Variants in ESPN observed in about 807,000 individuals in gnomAD.
The protein encoded by ESPN is espin, also known as autosomal recessive deafness type 36 protein.
ESPN carries 68 observed loss-of-function variants against 77.7 expected under a neutral mutation model. The observed-to-expected ratio is 0.87, with a 90% CI of 0.72 to 1.07. The LOEUF is 1.07. Among genes scored for constraint, ESPN ranks in the 50% least tolerant of loss-of-function variants. The pLI, the probability that ESPN is intolerant of heterozygous loss-of-function variation, is 0.00. For missense variants in ESPN, 1,060 were observed against 1,239.0 expected, an observed-to-expected ratio of 0.86 and a Z score of 2.17; for synonymous variants, 449 against 567.1, an observed-to-expected ratio of 0.79 and a Z score of 2.96.
intron 1 of ESPN, among the ~76,000 whole-genome samples, chr1:6,426,081 G>A (rs917544196): frequency 6.6e-6 from 1 of 152,232 alleles, no homozygotes; most frequent in Non-Finnish European, 1.5e-5. Flanking sequence ...GGGTGTGGGG[G>A]CAGCCATGGG....
Position 6,440,393 on chromosome 1 carries a change from C to T in ESPN, c.628C>T (p.Leu210=), listed in dbSNP as rs770396660. The T allele has an allele frequency of 2.5e-6, 4 of 1,585,568 alleles. No individual in the cohort carries two copies. The African/African-American group carries it at 5.4e-5, about 21-fold the overall frequency. The change falls in exon 3 of 13, where the codon CTG becomes TTG. Residue 210 remains leucine (L), a synonymous_variant. Coordinates refer to ENST00000645284, the MANE Select transcript of ESPN (RefSeq NM_031475.3). ...HARAHDGMTP[L]HAAAQMGHSP... ...GCGCGCCCACGACGGCATGACCCCG[C>T]TGCACGCCGCGGCGCAGATGGGCCA...
In ESPN at chr1:6,457,114, G is replaced by A. The variant is rs535284437; in HGVS notation, c.2326-70G>A. 3,703 of 1,451,610 alleles carry A rather than the reference G, an allele frequency of 2.6e-3. 4 individuals are homozygous for A. Among genetic ancestry groups the A allele is most frequent in the Non-Finnish European group, 2.8e-3 (2,925 of 1,056,862 alleles). 89.9% of individuals were successfully genotyped at this position (1,451,610 alleles called of 1,614,324 possible). On this transcript the variant is annotated intron_variant, in intron 10 of 12. Transcript: ENST00000645284. ...CTTCCTGTGACCCTGACTCCTTCAG[G>A]TCCCGAGGTTGAGGGTGCCCCCTAT...
At chr1:6,439,163 C>G (rs1643534644) in intron 2 of ESPN, among the ~76,000 whole-genome samples, 1 of 152,140 alleles carries the variant, frequency 6.6e-6, no homozygotes, top group African/African-American at 2.4e-5. Flanking sequence ...TAGCCCAGAG[C>G]TAGCACAGCA....
rs1001137712 is a variant in ESPN, at chr1:6,442,530, C to T, written c.990+1465C>T. On this transcript the variant is annotated intron_variant, in intron 5 of 12. Transcript: ENST00000645284. The stretch of plus-strand genomic sequence containing the variant: ...CGGAGGTTGCAGTAAGCCAAGATCG[C>T]GCCACTGCACTCCAGCCTGGTGACA... 3.4e-5 allele frequency among the ~76,000 whole-genome samples: 5 copies of T among 148,946 alleles called. No homozygotes were observed. In the South Asian group the frequency reaches 6.3e-4, roughly 19 times the overall value.
chr1:6,456,182 G>T (rs547993722), intron 10 of ESPN: 113 of 398,470 alleles, frequency 2.8e-4, no homozygotes, highest in Middle Eastern at 1.9e-3. Flanking sequence ...AGGAGGCAGA[G>T]CTGTTTGACA....
At position 6,448,970 on chromosome 1, in the gene ESPN, GC is replaced by G; in HGVS notation, c.1799del (p.Pro600HisfsTer46). ...PKASRELPPPPPPPPPPLPEA... is the reference protein window; with the variant it reads ...PKASRELPPPXPPPPPPLPEA... ...AGGCGTCCAGGGAGCTGCCACCGCC[GC>G]CCCCACCGCCGCCGCCGCCCCTGCC... On this transcript the variant is annotated frameshift_variant, in exon 8 of 13. Coordinates refer to ENST00000645284, the MANE Select transcript of ESPN (RefSeq NM_031475.3). LOFTEE classifies it high-confidence loss of function. The G allele has an allele frequency of 7.1e-7, 1 of 1,406,490 alleles. No individual in the cohort carries two copies. 87.1% of individuals were successfully genotyped at this position (1,406,490 alleles called of 1,614,324 possible).
At chr1:6,452,721 G>C (rs924615148) in intron 10 of ESPN, among the ~76,000 whole-genome samples, 1 of 152,178 alleles carries the variant, frequency 6.6e-6, no homozygotes, top group Admixed American at 6.5e-5. Flanking sequence ...AGAGGGCTTT[G>C]GTCTCAGTCT....
chr1:6,452,897 A>ATTTTTTTTTT (rs1350694225), intron 10 of ESPN, among the ~76,000 whole-genome samples: 2 of 138,808 alleles, frequency 1.4e-5, no homozygotes, highest in South Asian at 4.2e-4. Flanking sequence ...ATTTATTTTT[A>ATTTTTTTTTT]TTTTTTATTT....
intron 7 of ESPN, 69 bp downstream of exon 7, chr1:6,446,004 A>C: frequency 6.7e-7 from 1 of 1,494,114 alleles, no homozygotes; most frequent in Non-Finnish European, 9.3e-7. Context: ...AGTGAGGCCA[A>C]AGGCCTGGCC....
rs1053467713 is a variant in ESPN, at chr1:6,427,140, C to T, written c.295-1086C>T. ...TCCTGCCGCCTCTGCCAGTCTGTAA[C>T]CACAGTGCCCTCTCTCTGGGCAAGG... is the stretch of plus-strand genomic sequence containing the variant. On this transcript the variant is annotated intron_variant, in intron 1 of 12. Transcript: ENST00000645284. This position sits in a 1 kb window ranked among gnomAD's most constrained non-coding sequence, Gnocchi z 4.6. Among the ~76,000 whole-genome samples the T allele has an allele frequency of 2.6e-5, 4 of 152,084 alleles. No individual in the cohort carries two copies. The highest frequency in any genetic ancestry group is 5.9e-5 in the Non-Finnish European group (4 of 68,020).
chr1:6,431,438 G>A (rs190500506), intron 2 of ESPN, among the ~76,000 whole-genome samples: 3 of 151,908 alleles, frequency 2.0e-5, no homozygotes, highest in South Asian at 2.1e-4. Flanking sequence ...GTGAAACCCC[G>A]TCTCTACCAA....
chr1:6,439,937 A>T (rs953753636), intron 2 of ESPN, among the ~76,000 whole-genome samples: 4 of 152,024 alleles, frequency 2.6e-5, no homozygotes, highest in African/African-American at 9.7e-5. Flanking sequence ...TGAACCCGGG[A>T]GGCAGAGGTT....
intron 10 of ESPN, among the ~76,000 whole-genome samples, chr1:6,453,568 G>C (rs1439036855): frequency 6.6e-6 from 1 of 152,198 alleles, no homozygotes; most frequent in African/African-American, 2.4e-5. Context: ...AGTGGATGTG[G>C]CCCTGACTGT....
intron 6 of ESPN, 62 bp from the exon 7 acceptor site, chr1:6,445,602 C>T: frequency 6.4e-7 from 1 of 1,570,140 alleles, no homozygotes; most frequent in South Asian, 1.1e-5. Context: ...TGGAGAGTCT[C>T]AGTCTTGGGG....
In ESPN at chr1:6,447,528, C is replaced by T; in HGVS notation, c.1465-1113C>T. The stretch of plus-strand genomic sequence containing the variant: ...GGCTGGAGAGTGGGGCAGAGGACAG[C>T]CCCCACCCGGTCACTCAGTCTTTGG... On this transcript the variant is annotated intron_variant, in intron 7 of 12. Coordinates refer to ENST00000645284, the MANE Select transcript of ESPN (RefSeq NM_031475.3). The surrounding 1 kb of genome is among the most constrained non-coding windows in gnomAD (Gnocchi z 5.2). 1 of 152,468 alleles carries T rather than the reference C, an allele frequency of 6.6e-6. No individual in the cohort carries two copies. The highest frequency in any genetic ancestry group is 1.5e-5 in the Non-Finnish European group (1 of 68,144). 9.4% of individuals were successfully genotyped at this position (152,468 alleles called of 1,614,324 possible).
In ESPN at chr1:6,440,268, A is replaced by C. The variant is rs1643572024; in HGVS notation, c.503A>C (p.Gln168Pro). 6.5e-7 allele frequency: 1 copy of C among 1,549,738 alleles called. No individual in the cohort carries two copies. Among genetic ancestry groups the C allele is most frequent in the East Asian group, 2.4e-5 (1 of 40,952 alleles). ...TGTCTCCGCAGGGGAGTGAATGCCC[A>C]AACCAAGAACGGTGCCACGCCCCTG... ...VEHYPEGVNA[Q>P]TKNGATPLYL... is the part of the protein sequence containing the mutation. Residue 168 changes from glutamine (Q) to proline (P), a missense_variant, in exon 3 of 13, where the codon CAA (glutamine) becomes CCA (proline). Gln to Pro is a moderately conservative substitution (Grantham distance 76). Coordinates refer to ENST00000645284, the MANE Select transcript of ESPN (RefSeq NM_031475.3).
chr1:6,425,091 G>A lies in ESPN; in HGVS notation c.136G>A (p.Ala46Thr), dbSNP rs1013365948. 4 of 1,491,196 alleles carry A rather than the reference G, an allele frequency of 2.7e-6. No homozygotes were observed. The African/African-American group carries it at 4.4e-5, about 16-fold the overall frequency. 92.4% of individuals were successfully genotyped at this position (1,491,196 alleles called of 1,614,324 possible). Residue 46 changes from alanine to threonine, a missense_variant, in exon 1 of 13, where the codon GCT becomes ACT. By Grantham distance (58) the Ala-to-Thr change is moderately conservative (BLOSUM62 0). Transcript: ENST00000645284. ...DALPVHHAAR[A>T]GKLHCLRFLV... ...GCTGCCCGTGCACCACGCGGCCCGC[G>A]CTGGGAAGCTGCACTGTCTGCGCTT... is the stretch of plus-strand genomic sequence containing the variant.
Position 6,428,592 on chromosome 1 carries a change from C to G in ESPN, c.488+173C>G, listed in dbSNP as rs1264506882. On this transcript the variant is annotated intron_variant, in intron 2 of 12. Transcript: ENST00000645284. This position sits in a 1 kb window ranked among gnomAD's most constrained non-coding sequence, Gnocchi z 5.4. ...GCTCCCACTCAACATGAAATTTTCC[C>G]CTCCTGGAAAACCCCTTCTGGGGCT... 6.6e-6 allele frequency among the ~76,000 whole-genome samples: 1 copy of G among 152,152 alleles called. No individual in the cohort carries two copies. Among genetic ancestry groups the G allele is most frequent in the East Asian group, 1.9e-4 (1 of 5,178 alleles).
chr1:6,444,478 C>T lies in ESPN; in HGVS notation c.991-3C>T. ...CTTCATGGCCTCCCTGCCTCCCCTT[C>T]AGAGCGTGGAGCACCGCGTGCTTTC... On this transcript the variant is annotated splice_region_variant and splice_polypyrimidine_tract_variant and intron_variant, in intron 5 of 12. Coordinates refer to ENST00000645284, the MANE Select transcript of ESPN (RefSeq NM_031475.3). The T allele has an allele frequency of 1.9e-6, 3 of 1,614,168 alleles. No homozygotes were observed. The highest frequency in any genetic ancestry group is 1.1e-5 in the South Asian group (1 of 91,084).
Sources: gnomAD v4.1 joint callset for allele counts (sites outside exome capture counted in the v4.1 genomes callset) on GRCh38, gnomAD v4.1.1 for gene constraint, Gnocchi (gnomAD v3.1) non-coding constraint, MANE v1.5 for transcripts, NCBI Gene and HGNC (gene_info 2026-07-23, HGNC 2026-07-21) for gene names.